CACNA2D3: variants seen among roughly 807,000 people sequenced by gnomAD.
CACNA2D3 encodes calcium voltage-gated channel auxiliary subunit alpha2delta 3, also known as voltage-dependent calcium channel subunit alpha-2/delta-3.
CACNA2D3 carries 60 observed loss-of-function variants against 160.6 expected under a neutral mutation model. The observed-to-expected ratio is 0.37, with a 90% confidence interval of 0.30 to 0.46. The LOEUF (loss-of-function observed/expected upper bound fraction) is 0.46. Among genes scored for constraint, CACNA2D3 ranks in the 20% least tolerant of loss-of-function variants. CACNA2D3 has a pLI of 1.00. For missense variants in CACNA2D3, 1,205 were observed against 1,365.0 expected (o/e 0.88, Z 1.85); for synonymous variants, 558 against 492.9 (o/e 1.13, Z -1.75).
intron 17 of CACNA2D3, among the ~76,000 whole-genome samples, chr3:54,858,832 A>G (rs1052936107): frequency 6.6e-6 from 1 of 152,228 alleles, no homozygotes; most frequent in Non-Finnish European, 1.5e-5. Flanking sequence ...ATTCATTTGA[A>G]TAACTGAAGA....
intron 31 of CACNA2D3, among the ~76,000 whole-genome samples, chr3:54,994,152 C>T (rs1702805187): frequency 6.6e-6 from 1 of 152,066 alleles, no homozygotes; most frequent in Non-Finnish European, 1.5e-5. Flanking sequence ...GTGACACATC[C>T]AGGTAGAATC....
In CACNA2D3 at chr3:54,799,833, A is replaced by G. The variant is rs7648868; in HGVS notation, c.1381-17020A>G. 7.6e-3 allele frequency among the ~76,000 whole-genome samples: 1,151 copies of G among 152,210 alleles called. 14 individuals carry two copies. The highest frequency in any genetic ancestry group is 0.026 in the African/African-American group (1,070 of 41,520). On this transcript the variant is annotated intron_variant, in intron 13 of 37. Transcript: ENST00000474759. ...CCATGTCTGTCCCAGGTGGCTGCAG[A>G]GCCAGGTTGACAGGAGGCTGAAAGG...
intron 4 of CACNA2D3, among the ~76,000 whole-genome samples, chr3:54,454,867 T>G (rs1700370409): frequency 6.6e-6 from 1 of 152,072 alleles, no homozygotes; most frequent in Non-Finnish European, 1.5e-5. Flanking sequence ...TGTGCCTGGC[T>G]TATTTCATTT....
chr3:54,444,831 T>A (rs915458954), intron 4 of CACNA2D3, among the ~76,000 whole-genome samples: 1 of 152,230 alleles, frequency 6.6e-6, no homozygotes, highest in East Asian at 1.9e-4. Flanking sequence ...CTTTTAGGAT[T>A]TCCTTATTAG....
At chr3:54,204,007 C>T (rs562183418) in intron 2 of CACNA2D3, among the ~76,000 whole-genome samples, 16 of 152,104 alleles carry the variant, frequency 1.1e-4, no homozygotes, top group Admixed American at 1.0e-3. Context: ...CTGTGCACTT[C>T]CTGCCTGCTC....
intron 2 of CACNA2D3, among the ~76,000 whole-genome samples, chr3:54,252,267 T>C (rs748471145): frequency 2.0e-5 from 3 of 152,100 alleles, no homozygotes; most frequent in Non-Finnish European, 4.4e-5. Flanking sequence ...CTTTTTGTAA[T>C]GGATTTTATA....
intron 2 of CACNA2D3, among the ~76,000 whole-genome samples, chr3:54,302,391 T>C (rs1021395990): frequency 6.6e-6 from 1 of 152,352 alleles, no homozygotes; most frequent in African/African-American, 2.4e-5. Flanking sequence ...ACTTACCATC[T>C]TACCATTCAG....
chr3:54,485,744 A>G (rs2106909456), intron 4 of CACNA2D3, among the ~76,000 whole-genome samples: 1 of 152,162 alleles, frequency 6.6e-6, no homozygotes, highest in Admixed American at 6.5e-5. Context: ...TTATATTTTT[A>G]GTAGAGATGG....
At chr3:54,434,470 G>T (rs1194455369) in intron 4 of CACNA2D3, among the ~76,000 whole-genome samples, 1 of 152,236 alleles carries the variant, frequency 6.6e-6, no homozygotes, top group African/African-American at 2.4e-5. Flanking sequence ...GACCCATCTG[G>T]CATCAGTGAG....
chr3:54,917,476 G>C (rs1009043221), intron 27 of CACNA2D3, among the ~76,000 whole-genome samples: 2 of 152,242 alleles, frequency 1.3e-5, no homozygotes, highest in African/African-American at 4.8e-5. Context: ...GACAACAGCT[G>C]CTGGCTTCCA....
At chr3:54,311,107 C>T (rs76164801) in intron 2 of CACNA2D3, among the ~76,000 whole-genome samples, 3,052 of 152,244 alleles carry the variant, frequency 0.02, 45 homozygotes, top group Admixed American at 0.054. Context: ...TATCAGGCTT[C>T]GAGTCAGCAG....
intron 35 of CACNA2D3, among the ~76,000 whole-genome samples, chr3:55,064,162 GTCCTGGC>G (rs1704579733): frequency 6.6e-6 from 1 of 152,234 alleles, no homozygotes; most frequent in South Asian, 2.1e-4. Context: ...GAGGTGCTGT[GTCCTGGC>G]TGGAGGAGGG....
At chr3:54,143,079 C>T (rs1699966564) in intron 2 of CACNA2D3, among the ~76,000 whole-genome samples, 1 of 152,236 alleles carries the variant, frequency 6.6e-6, no homozygotes, top group Non-Finnish European at 1.5e-5. Flanking sequence ...GTTCCCATCA[C>T]AGGAAGTAGG....
intron 17 of CACNA2D3, among the ~76,000 whole-genome samples, chr3:54,871,043 TACACACACACACAC>T (rs58370850): frequency 0.015 from 2,155 of 143,010 alleles, 36 homozygotes; most frequent in Middle Eastern, 0.022. Flanking sequence ...AGCTTTGGGA[TACACACACACACAC>T]ACACACACAC....
chr3:54,871,043 TACACACACACACACACAC>T (rs58370850), intron 17 of CACNA2D3, among the ~76,000 whole-genome samples: 3,008 of 143,026 alleles, frequency 0.021, 98 homozygotes, highest in African/African-American at 0.069. Flanking sequence ...AGCTTTGGGA[TACACACACACACACACAC>T]ACACACACAC....
At chr3:54,419,506 T>C (rs1699806414) in intron 4 of CACNA2D3, among the ~76,000 whole-genome samples, 1 of 152,238 alleles carries the variant, frequency 6.6e-6, no homozygotes, top group African/African-American at 2.4e-5. Context: ...ATTAATGGCC[T>C]TGAAGGATAT....
intron 11 of CACNA2D3, among the ~76,000 whole-genome samples, 182 bp from the exon 12 acceptor site, chr3:54,752,417 A>C (rs1701875601): frequency 6.6e-6 from 1 of 152,188 alleles, no homozygotes; most frequent in Admixed American, 6.5e-5. Context: ...TTAAAAGATC[A>C]AAGGCCCCAA....
intron 35 of CACNA2D3, among the ~76,000 whole-genome samples, chr3:55,028,314 A>C (rs79727161): frequency 0.026 from 4,032 of 152,302 alleles, 82 homozygotes; most frequent in Middle Eastern, 0.071. Flanking sequence ...TTTATTAAGA[A>C]TGCAGGAGCC....
intron 20 of CACNA2D3, among the ~76,000 whole-genome samples, chr3:54,880,298 A>G (rs184199040): frequency 1.6e-4 from 25 of 152,344 alleles, no homozygotes; most frequent in African/African-American, 5.5e-4. Context: ...TGAAAAACCT[A>G]TTAGACTAGG....
Sources: gnomAD v4.1 joint callset for allele counts (sites outside exome capture counted in the v4.1 genomes callset) on GRCh38, gnomAD v4.1.1 for gene constraint, MANE v1.5 for transcripts, NCBI Gene and HGNC (gene_info 2026-07-23, HGNC 2026-07-21) for gene names.